The following PPT2 variants were observed in gnomAD, a reference collection of about 807,000 sequenced individuals.
PPT2 encodes lysosomal thioesterase PPT2.
Under a neutral mutation model 37.3 loss-of-function variants are expected in PPT2, and 20 were observed. The observed-to-expected ratio is 0.54, with a 90% CI of 0.38 to 0.78. The LOEUF (loss-of-function observed/expected upper bound fraction) is 0.78, where lower values mean the gene tolerates loss of function less well. Among genes scored for constraint, PPT2 ranks in the 30% least tolerant of loss-of-function variants. The pLI is 0.00. For synonymous variants in PPT2, 135 were observed against 159.1 expected (o/e 0.85, Z 1.14); for missense variants, 270 against 389.8 (o/e 0.69, Z 2.59).
At position 32,162,839 on chromosome 6, in the gene PPT2, T is replaced by A; in HGVS notation, c.798T>A (p.Thr266=). The change falls in exon 9 of 9, where the codon ACT becomes ACA. Residue 266 remains threonine, a synonymous_variant. Coordinates refer to ENST00000324816, the MANE Select transcript of PPT2 (RefSeq NM_005155.7). The surrounding 1 kb of genome is among the most constrained non-coding windows in gnomAD (Gnocchi z 5.5). ...TGCGGGATTCTTTTGGGTTGAAGACTCTATTGGCCCGGGGGGCCATAGTGA... is the reference window on the plus strand; with the variant it reads ...TGCGGGATTCTTTTGGGTTGAAGACACTATTGGCCCGGGGGGCCATAGTGA... ...VYLRDSFGLK[T]LLARGAIVRC... 1 of 1,613,944 alleles carries A rather than the reference T, an allele frequency of 6.2e-7. No individual in the cohort carries two copies. The highest frequency in any genetic ancestry group is 8.5e-7 in the Non-Finnish European group (1 of 1,179,896).
intron 5 of PPT2, chr6:32,157,119 T>C (rs1406003783): frequency 6.4e-6 from 1 of 155,070 alleles, no homozygotes; most frequent in Non-Finnish European, 1.4e-5. Context: ...AGGCAGATGT[T>C]GCAGTGAGCG....
At position 32,154,477 on chromosome 6, in the gene PPT2, A is replaced by T; in HGVS notation, c.-9+73A>T. 1 of 1,501,994 alleles carries T rather than the reference A, an allele frequency of 6.7e-7. No homozygotes were observed. The highest frequency in any genetic ancestry group is 8.9e-7 in the Non-Finnish European group (1 of 1,128,364). The allele number at this position is 1,501,994 out of a possible 1,614,324, so 93.0% of individuals were successfully genotyped here. A position where few individuals can be genotyped will look rare whatever the true frequency, so the allele number is the denominator to read the frequency against. On this transcript the variant is annotated intron_variant, in intron 1 of 8. Transcript: ENST00000324816. This position sits in a 1 kb window ranked among gnomAD's most constrained non-coding sequence, Gnocchi z 7.3. The stretch of plus-strand genomic sequence containing the variant: ...TAAGTTAAAAGTAGGCTATTTTGTG[A>T]CACGGACCTGGTGTGGGAGCGAGAG...
At chr6:32,157,179 T>TA (rs9281662) in intron 5 of PPT2, 30,939 of 151,192 alleles carry the variant, frequency 0.2, 3,842 homozygotes, top group Middle Eastern at 0.35. Flanking sequence ...AGATTTCATC[T>TA]AAAAAAAAAA....
chr6:32,161,733 G>A (rs1415515384), intron 7 of PPT2, among the ~76,000 whole-genome samples: 4 of 149,510 alleles, frequency 2.7e-5, no homozygotes, highest in African/African-American at 5.0e-5. Flanking sequence ...GATTACAGGC[G>A]CCCACCACGC....
rs755672335 is a variant in PPT2, at chr6:32,155,215, C to G, written c.337+32C>G. On this transcript the variant is annotated intron_variant, in intron 3 of 8. Coordinates refer to ENST00000324816, the MANE Select transcript of PPT2 (RefSeq NM_005155.7). The surrounding 1 kb of genome is among the most constrained non-coding windows in gnomAD (Gnocchi z 4.3). ...GACTCCCCTGCCCCTAACTCCTAAGCCCTATCTGAGGCTTGATCCTTATCT... is the reference window on the plus strand; with the variant it reads ...GACTCCCCTGCCCCTAACTCCTAAGGCCTATCTGAGGCTTGATCCTTATCT... The G allele has an allele frequency of 6.2e-7, 1 of 1,611,084 alleles. No homozygotes were observed.
upstream of PPT2, chr6:32,154,008 C>T (rs1042540619): frequency 1.2e-5 from 15 of 1,235,768 alleles, no homozygotes; most frequent in Non-Finnish European, 1.5e-5. This position sits in a 1 kb window ranked among gnomAD's most constrained non-coding sequence, Gnocchi z 7.3. Flanking sequence ...GCACCTAGGG[C>T]GCAATGGAAT....
Position 32,154,709 on chromosome 6 carries a change from G to A in PPT2, c.115G>A (p.Val39Ile). Residue 39 changes from valine to isoleucine, a missense_variant, in exon 2 of 9, where the codon GTC (valine) becomes ATC (isoleucine). Physicochemically the swap from Val to Ile is conservative, Grantham distance 29 (BLOSUM62 3). Transcript: ENST00000324816. The surrounding 1 kb of genome is among the most constrained non-coding windows in gnomAD (Gnocchi z 7.3). ...GCCCCACCGCGCGTCCTACAAGCCGGTCATCGTGGTGCATGGGCTCTTCGA... is the reference window on the plus strand; with the variant it reads ...GCCCCACCGCGCGTCCTACAAGCCGATCATCGTGGTGCATGGGCTCTTCGA... The part of the protein sequence containing the change: ...PAPHRASYKP[V>I]IVVHGLFDSS... 6.2e-7 allele frequency: 1 copy of A among 1,613,204 alleles called. No individual in the cohort carries two copies. Among genetic ancestry groups the A allele is most frequent in the Non-Finnish European group, 8.5e-7 (1 of 1,180,026 alleles).
In PPT2 at chr6:32,154,708, G is replaced by T; in HGVS notation, c.114G>T (p.Pro38=). The T allele has an allele frequency of 6.2e-7, 1 of 1,613,172 alleles. No individual in the cohort carries two copies. Residue 38 remains proline, a synonymous_variant, in exon 2 of 9, where the codon CCG becomes CCT. Coordinates refer to ENST00000324816, the MANE Select transcript of PPT2 (RefSeq NM_005155.7). The surrounding 1 kb of genome is among the most constrained non-coding windows in gnomAD (Gnocchi z 7.3). The stretch of plus-strand genomic sequence containing the variant: ...CGCCCCACCGCGCGTCCTACAAGCC[G>T]GTCATCGTGGTGCATGGGCTCTTCG... ...APAPHRASYK[P]VIVVHGLFDS...
At chr6:32,154,077 G>A (rs574640895), upstream of PPT2, 1 of 1,097,860 alleles carries the variant, frequency 9.1e-7, no homozygotes, top group East Asian at 5.9e-5. The surrounding 1 kb of genome is among the most constrained non-coding windows in gnomAD (Gnocchi z 7.3). Context: ...GCGGTTGCCA[G>A]AGAAAGCCCC....
rs756056199 is a variant in PPT2, at chr6:32,154,999, C to T, written c.184-31C>T. 8.7e-6 allele frequency: 14 copies of T among 1,611,528 alleles called. No individual in the cohort carries two copies. In the Admixed American group the frequency reaches 1.3e-4, roughly 15 times the overall value. On this transcript the variant is annotated intron_variant, in intron 2 of 8. Transcript: ENST00000324816. This position sits in a 1 kb window ranked among gnomAD's most constrained non-coding sequence, Gnocchi z 7.3. ...GGCGTGTGGGAGCTTCTTAGCCTATCCCCGGTGGCTGCATTGCCCCCTTCC... is the reference window on the plus strand; with the variant it reads ...GGCGTGTGGGAGCTTCTTAGCCTATTCCCGGTGGCTGCATTGCCCCCTTCC...
rs973946094 is a variant in PPT2 at position 32,154,336 on chromosome 6, G to C, written c.-77G>C. The C allele has an allele frequency of 9.3e-6, 13 of 1,402,418 alleles. No homozygotes were observed. In the African/African-American group the frequency reaches 1.6e-4, roughly 17 times the overall value. The allele number at this position is 1,402,418 out of a possible 1,614,324, so 86.9% of individuals were successfully genotyped here. On this transcript the variant is annotated 5_prime_UTR_variant, in exon 1 of 9. Coordinates refer to ENST00000324816, the MANE Select transcript of PPT2 (RefSeq NM_005155.7). This position sits in a 1 kb window ranked among gnomAD's most constrained non-coding sequence, Gnocchi z 7.3. ...GTTCATGGCTGAGGCGATGCATTAG[G>C]AAGATCCTGGACCTAGAGAACAAGT...
chr6:32,163,175 C>T lies in PPT2; in HGVS notation c.*225C>T, dbSNP rs1214567048. On this transcript the variant is annotated 3_prime_UTR_variant, in exon 9 of 9. Transcript: ENST00000324816. ...AGGCCTCCCCTACCTCATGTCCTCTCATTTGGGGGATTGCTCCGTGCTGTC... is the reference window on the plus strand; with the variant it reads ...AGGCCTCCCCTACCTCATGTCCTCTTATTTGGGGGATTGCTCCGTGCTGTC... 3.5e-6 allele frequency: 2 copies of T among 574,294 alleles called. No homozygotes were observed. The highest frequency in any genetic ancestry group is 3.4e-5 in the Admixed American group (1 of 29,640). 35.6% of individuals were successfully genotyped at this position (574,294 alleles called of 1,614,324 possible). A position where few individuals can be genotyped will look rare whatever the true frequency, so the allele number is the denominator to read the frequency against.
Position 32,154,794 on chromosome 6 carries a change from C to G in PPT2, c.183+17C>G, listed in dbSNP as rs568267465. 18 of 1,607,610 alleles carry G rather than the reference C, an allele frequency of 1.1e-5. No individual in the cohort carries two copies. In the East Asian group the frequency reaches 2.9e-4, roughly 26 times the overall value. On this transcript the variant is annotated intron_variant, in intron 2 of 8. Transcript: ENST00000324816. This position sits in a 1 kb window ranked among gnomAD's most constrained non-coding sequence, Gnocchi z 7.3. ...ATCAATGAGGTCTGGCAGGGGACAC[C>G]TGGGTGCAGGGCGTTAGAGGCGTCT...
chr6:32,154,091 C>T (rs908707642), upstream of PPT2: 3 of 1,088,666 alleles, frequency 2.8e-6, no homozygotes, highest in Non-Finnish European at 3.4e-6. This position sits in a 1 kb window ranked among gnomAD's most constrained non-coding sequence, Gnocchi z 7.3. Flanking sequence ...AAGCCCCGGA[C>T]GTGACGGATT....
At chr6:32,153,674 G>A (rs1367829739), upstream of PPT2, 2 of 1,585,222 alleles carry the variant, frequency 1.3e-6, no homozygotes, top group African/African-American at 1.3e-5. The surrounding 1 kb of genome is among the most constrained non-coding windows in gnomAD (Gnocchi z 4.4). Context: ...AGGGTGGGGT[G>A]GGGTGGGTGT....
chr6:32,154,532 C>T lies in PPT2; in HGVS notation c.-8-55C>T, dbSNP rs772961576. 5 of 1,547,614 alleles carry T rather than the reference C, an allele frequency of 3.2e-6. No individual in the cohort carries two copies. Among genetic ancestry groups the T allele is most frequent in the African/African-American group, 1.4e-5 (1 of 73,646 alleles). On this transcript the variant is annotated intron_variant, in intron 1 of 8. Transcript: ENST00000324816. This position sits in a 1 kb window ranked among gnomAD's most constrained non-coding sequence, Gnocchi z 7.3. The stretch of plus-strand genomic sequence containing the variant: ...TGGCTTGATTGCCGGGCGTCTGTTC[C>T]GAGGGAGGAGGGTGTTGCCATCTCC...
Position 32,155,105 on chromosome 6 carries a change from G to C in PPT2, c.259G>C (p.Val87Leu). ...GAGCTTGCGACCCCTGTGGGAACAG[G>C]TGCAAGGGTTCCGAGAGGCTGTGGT... ...RESLRPLWEQ[V>L]QGFREAVVPI... Residue 87 changes from valine to leucine, a missense_variant, in exon 3 of 9, where the codon GTG becomes CTG. Transcript: ENST00000324816. The surrounding 1 kb of genome is among the most constrained non-coding windows in gnomAD (Gnocchi z 4.3). 1.9e-5 allele frequency: 31 copies of C among 1,613,130 alleles called. No individual in the cohort carries two copies. The highest frequency in any genetic ancestry group is 2.6e-5 in the Non-Finnish European group (31 of 1,179,996).
At chr6:32,161,852 G>A (rs1182787096) in intron 7 of PPT2, among the ~76,000 whole-genome samples, 1 of 152,072 alleles carries the variant, frequency 6.6e-6, no homozygotes, top group Non-Finnish European at 1.5e-5. Context: ...CCAAAGTGCT[G>A]GGATTACAGG....
intron 7 of PPT2, chr6:32,158,130 T>C (rs1582616493): frequency 1.9e-6 from 1 of 521,186 alleles, no homozygotes; most frequent in East Asian, 3.1e-5. Flanking sequence ...CTGACTCTTC[T>C]CCTCTCCATC....
Sources: allele counts gnomAD v4.1 joint callset (sites outside exome capture counted in the v4.1 genomes callset), GRCh38; gene constraint gnomAD v4.1.1; non-coding constraint Gnocchi (gnomAD v3.1); transcripts MANE v1.5; gene names NCBI Gene and HGNC (gene_info 2026-07-23, HGNC 2026-07-21).